APOO: variants seen among roughly 807,000 people sequenced by gnomAD.
APOO encodes apolipoprotein O, also known as MICOS complex subunit MIC26.
A neutral mutation model predicts 23.1 loss-of-function variants in APOO; 11 were observed. The ratio of observed to expected loss-of-function variants is 0.48; its 90% CI spans 0.30 to 0.79. The LOEUF (loss-of-function observed/expected upper bound fraction) is 0.79. Ranked by LOEUF, APOO falls within the 30% of genes least tolerant of loss-of-function variation. The probability of loss-of-function intolerance (pLI) is 0.07; values close to 1 mark genes in which losing one functional copy is unlikely to be tolerated. For missense variants in APOO, 160 were observed against 142.7 expected (o/e 1.12, Z -0.62); for synonymous variants, 59 against 54.8 (o/e 1.08, Z -0.34).
rs778558446 is a variant in APOO, at chrX:23,889,696, T to C, written c.10-8744A>G. ...TTTTTTTTTTAAGACAGAGCCTCGC[T>C]CTGTCGCCCAGGCTGGAGTGCAGTG... On this transcript the variant is annotated intron_variant, in intron 1 of 8. Coordinates refer to ENST00000379226, the MANE Select transcript of APOO (RefSeq NM_024122.5). Among the ~76,000 whole-genome samples the C allele has an allele frequency of 1.1e-4, 10 of 92,841 alleles. No homozygotes were observed. The East Asian group carries it at 3.4e-3, about 32-fold the overall frequency. The allele number at this position is 92,841 out of a possible 115,157, so 80.6% of individuals were successfully genotyped here.
chrX:23,880,898 A>G lies in APOO; in HGVS notation c.64T>C (p.Tyr22His). The change falls in exon 2 of 9, where the codon TAT becomes CAT. Residue 22 changes from tyrosine to histidine, a missense_variant. Transcript: ENST00000379226. Reference protein sequence around the residue: ...ASLSLLTFKVYAAPKKDSPPK... With the variant: ...ASLSLLTFKVHAAPKKDSPPK... ...GGTGAGTCCTTTTTTGGTGCTGCAT[A>G]GACTTTGAAGGTGAGCAAGCTCAGG... 8.4e-7 allele frequency: 1 copy of G among 1,190,769 alleles called. No homozygotes were observed. The highest frequency in any genetic ancestry group is 1.1e-6 in the Non-Finnish European group (1 of 886,753).
chrX:23,867,483 A>G (rs1311958080), intron 5 of APOO, among the ~76,000 whole-genome samples: 5 of 112,163 alleles, frequency 4.5e-5, no homozygotes, highest in Non-Finnish European at 9.4e-5. Context: ...AACCCTCAAC[A>G]GAAATAGATG....
In APOO at chrX:23,840,383, A is replaced by T. The variant is rs1923913017; in HGVS notation, c.562-6T>A. ...GAATTCTTCACATTTCCTGGCTTTT[A>T]AAACAAAAGAAAGAGCTTGAATGCA... On this transcript the variant is annotated splice_polypyrimidine_tract_variant and splice_region_variant and intron_variant, in intron 7 of 8. Transcript: ENST00000379226. 5.8e-6 allele frequency: 7 copies of T among 1,196,662 alleles called. No individual in the cohort carries two copies. The highest frequency in any genetic ancestry group is 6.8e-6 in the Non-Finnish European group (6 of 887,924).
chrX:23,842,075 T>C (rs1924009279), intron 7 of APOO, among the ~76,000 whole-genome samples: 2 of 111,369 alleles, frequency 1.8e-5, no homozygotes, highest in Non-Finnish European at 3.8e-5. Flanking sequence ...TAGCACACAC[T>C]ATTCAAATAT....
chrX:23,873,826 C>T (rs1176647374), intron 4 of APOO, among the ~76,000 whole-genome samples: 2 of 111,229 alleles, frequency 1.8e-5, no homozygotes, highest in African/African-American at 6.5e-5. Context: ...GAAATATGAT[C>T]GGTATCTTTA....
At chrX:23,881,046 A>C (rs1224025115) in intron 1 of APOO, 94 bp from the exon 2 acceptor site, 7 of 438,891 alleles carry the variant, frequency 1.6e-5, no homozygotes, top group Non-Finnish European at 2.5e-5. Context: ...CCCCACCCTG[A>C]AAGGCTTACT....
chrX:23,842,054 C>T (rs372666083), intron 7 of APOO, among the ~76,000 whole-genome samples: 38 of 111,007 alleles, frequency 3.4e-4, no homozygotes, highest in African/African-American at 1.2e-3. Flanking sequence ...CACAATATCC[C>T]TAGGGCCTCC....
At chrX:23,887,455 A>T (rs1389532068) in intron 1 of APOO, among the ~76,000 whole-genome samples, 1 of 108,718 alleles carries the variant, frequency 9.2e-6, no homozygotes, top group Non-Finnish European at 1.9e-5. Flanking sequence ...GATGGTCTTG[A>T]TCTCTTCACC....
intron 5 of APOO, among the ~76,000 whole-genome samples, chrX:23,863,373 A>G (rs927598007): frequency 8.9e-6 from 1 of 111,865 alleles, no homozygotes; most frequent in African/African-American, 3.2e-5. Context: ...TCACAGCACC[A>G]AAGAAATTCA....
At chrX:23,848,815 A>T (rs1924379426) in intron 7 of APOO, among the ~76,000 whole-genome samples, 2 of 102,446 alleles carry the variant, frequency 2.0e-5, no homozygotes, top group Non-Finnish European at 3.9e-5. Flanking sequence ...TCTCCTGAGT[A>T]GCTGGGACTA....
At chrX:23,866,387 G>C (rs1267039755) in intron 5 of APOO, among the ~76,000 whole-genome samples, 2 of 112,286 alleles carry the variant, frequency 1.8e-5, no homozygotes, top group Non-Finnish European at 3.8e-5. Context: ...CATGAGATGG[G>C]AGGAGGGCAC....
chrX:23,876,867 T>C (rs768206401), intron 3 of APOO, among the ~76,000 whole-genome samples: 2 of 112,434 alleles, frequency 1.8e-5, no homozygotes, highest in African/African-American at 3.2e-5. Context: ...TAGAAATTGC[T>C]GGTCTGAAAA....
chrX:23,894,289 C>T (rs1926803536), intron 1 of APOO, among the ~76,000 whole-genome samples: 2 of 109,075 alleles, frequency 1.8e-5, no homozygotes, highest in Non-Finnish European at 3.8e-5. Context: ...GGATTACAGG[C>T]CCACACCACC....
intron 7 of APOO, among the ~76,000 whole-genome samples, chrX:23,843,164 A>C (rs1255493117): frequency 4.4e-5 from 5 of 112,376 alleles, no homozygotes; most frequent in African/African-American, 1.6e-4. Context: ...TCAAAAAAAT[A>C]AGATGCTAAA....
intron 7 of APOO, 121 bp downstream of exon 7, chrX:23,856,181 G>A: frequency 1.4e-6 from 1 of 725,871 alleles, no homozygotes; most frequent in Non-Finnish European, 2.1e-6. Context: ...CTGAGCTGGA[G>A]ACAGAACTAG....
chrX:23,854,469 T>A (rs1323239241), intron 7 of APOO, among the ~76,000 whole-genome samples: 1 of 112,480 alleles, frequency 8.9e-6, no homozygotes, highest in Admixed American at 9.5e-5. Context: ...GATTTCTTGA[T>A]ATTTTACTTC....
At chrX:23,852,051 GT>G (rs1008627819) in intron 7 of APOO, among the ~76,000 whole-genome samples, 2 of 111,180 alleles carry the variant, frequency 1.8e-5, no homozygotes, top group African/African-American at 6.5e-5. Flanking sequence ...CGCCTCCCAA[GT>G]AGGTGGGATT....
chrX:23,857,951 G>T (rs1365501934), intron 6 of APOO, among the ~76,000 whole-genome samples: 1 of 111,628 alleles, frequency 9.0e-6, no homozygotes, highest in African/African-American at 3.3e-5. Context: ...TACTCCCAGA[G>T]CTTCTGATTC....
rs542105121 is a variant in APOO, at chrX:23,892,205, C to A, written c.10-11253G>T. 2.1e-4 allele frequency among the ~76,000 whole-genome samples: 23 copies of A among 109,484 alleles called. No homozygotes were observed. In the South Asian group the frequency reaches 8.7e-3, roughly 41 times the overall value. On this transcript the variant is annotated intron_variant, in intron 1 of 8. Transcript: ENST00000379226. ...GGTTCAAACGATTCTCCTGCCTCAGCCTCTCAAGTAGCTGGGATTACAGGC... is the reference window on the plus strand; with the variant it reads ...GGTTCAAACGATTCTCCTGCCTCAGACTCTCAAGTAGCTGGGATTACAGGC...
Sources: gnomAD v4.1 joint callset for allele counts (sites outside exome capture counted in the v4.1 genomes callset) on GRCh38, gnomAD v4.1.1 for gene constraint, MANE v1.5 for transcripts, NCBI Gene and HGNC (gene_info 2026-07-23, HGNC 2026-07-21) for gene names.